The following TTN variants were observed in gnomAD, a reference collection of about 807,000 sequenced individuals.
TTN encodes the protein connectin.
Under a neutral mutation model 3,223.0 loss-of-function variants are expected in TTN, and 1,525 were observed. The ratio of observed to expected loss-of-function variants is 0.47; its 90% CI spans 0.45 to 0.49. The LOEUF is 0.49. Ranked by LOEUF, TTN falls within the 20% of genes least tolerant of loss-of-function variation. The pLI is 0.00. For synonymous variants in TTN, 14,094 were observed against 15,161.0 expected, an observed-to-expected ratio of 0.93 and a Z score of 5.17; for missense variants, 40,786 against 43,424.0, an observed-to-expected ratio of 0.94 and a Z score of 5.40.
At chr2:178,753,025 C>A (rs2085982890) in intron 47 of TTN, 99 bp downstream of exon 47, 1 of 937,664 alleles carries the variant, frequency 1.1e-6, no homozygotes. Context: ...ATATCTATGT[C>A]ATTTTTTTCT....
Position 178,651,513 on chromosome 2 carries a change from C to T in TTN, c.39487G>A (p.Val13163Ile). The change falls in exon 207 of 363, where the codon GTT becomes ATT. Residue 13163 changes from valine to isoleucine, a missense_variant. Coordinates refer to ENST00000589042, the MANE Select transcript of TTN (RefSeq NM_001267550.2). ...ACCAGAGGCACCTTCTTTTCAGGAA[C>T]AACCTCCTTGGGCACCTCGGGCACT... ...VKVPEVPKEV[V>I]PEKKVPLVVP... is the part of the protein sequence containing the mutation. The T allele has an allele frequency of 4.3e-6, 7 of 1,612,980 alleles. No homozygotes were observed. The highest frequency in any genetic ancestry group is 5.9e-6 in the Non-Finnish European group (7 of 1,179,472).
chr2:178,746,136 G>C lies in TTN; in HGVS notation c.11312-4215C>G, dbSNP rs397517820. The C allele has an allele frequency of 6.2e-7, 1 of 1,613,348 alleles. No individual in the cohort carries two copies. Among genetic ancestry groups the C allele is most frequent in the Non-Finnish European group, 8.5e-7 (1 of 1,179,564 alleles). On this transcript the variant is annotated intron_variant, in intron 47 of 362. Coordinates refer to ENST00000589042, the MANE Select transcript of TTN (RefSeq NM_001267550.2). ...CTAATCACGTATTTAATATTATCTG[G>C]CTCAATACACATATATTCTTTATAC...
Position 178,588,969 on chromosome 2 carries a change from A to G in TTN, c.62756T>C (p.Leu20919Ser), listed in dbSNP as rs756059826. ...MVWSTYSATV[L>S]TPGTTVTRLI... ...ACGTGTTACTGTAGTACCAGGTGTC[A>G]AGACAGTAGCAGAATAGGTAGACCA... Residue 20919 changes from leucine (L) to serine (S), a missense_variant, in exon 304 of 363, where the codon TTG becomes TCG. Leu to Ser is a moderately radical substitution (Grantham distance 145). Transcript: ENST00000589042. 6.2e-7 allele frequency: 1 copy of G among 1,612,544 alleles called. No individual in the cohort carries two copies. Among genetic ancestry groups the G allele is most frequent in the Non-Finnish European group, 8.5e-7 (1 of 1,179,386 alleles).
At chr2:178,726,763 G>C (rs1239747771) in intron 69 of TTN, 1 of 200,962 alleles carries the variant, frequency 5.0e-6, no homozygotes, top group African/African-American at 2.3e-5. Flanking sequence ...TGATATATCT[G>C]TAAGTTGATT....
At position 178,604,360 on chromosome 2, in the gene TTN, C is replaced by T. The variant is rs2054246545; in HGVS notation, c.54382-55G>A. 3.0e-6 allele frequency: 4 copies of T among 1,327,738 alleles called. No individual in the cohort carries two copies. The South Asian group carries it at 7.2e-5, about 24-fold the overall frequency. 82.2% of individuals were successfully genotyped at this position (1,327,738 alleles called of 1,614,324 possible). A position where few individuals can be genotyped will look rare whatever the true frequency, so the allele number is the denominator to read the frequency against. Reference sequence around the variant, plus strand: ...AAGAGAATATACTTATGTTGGTTTTCACTCATTTAAAAATTCAACTTATTT... The same window carrying T: ...AAGAGAATATACTTATGTTGGTTTTTACTCATTTAAAAATTCAACTTATTT... On this transcript the variant is annotated intron_variant, in intron 281 of 362. Transcript: ENST00000589042.
Position 178,652,744 on chromosome 2 carries a change from G to T in TTN, c.38960-8C>A. 1.2e-6 allele frequency: 2 copies of T among 1,612,134 alleles called. No homozygotes were observed. The highest frequency in any genetic ancestry group is 1.7e-6 in the Non-Finnish European group (2 of 1,179,168). The stretch of plus-strand genomic sequence containing the variant: ...CTTTGGGAGCCTCTGGTACTTAAAA[G>T]ATATTAGTGAAATTACATTTAGGGG... On this transcript the variant is annotated splice_region_variant and splice_polypyrimidine_tract_variant and intron_variant, in intron 200 of 362. Transcript: ENST00000589042.
chr2:178,558,481 G>A lies in TTN; in HGVS notation c.86978C>T (p.Ala28993Val). The A allele has an allele frequency of 6.2e-7, 1 of 1,613,808 alleles. No homozygotes were observed. The highest frequency in any genetic ancestry group is 8.5e-7 in the Non-Finnish European group (1 of 1,179,820). Residue 28993 changes from alanine (A) to valine (V), a missense_variant, in exon 327 of 363, where the codon GCA becomes GTA. Coordinates refer to ENST00000589042, the MANE Select transcript of TTN (RefSeq NM_001267550.2). The part of the protein sequence containing the change: ...EKGQKNWVKC[A>V]VAKSTHHVVS... ...AACGTGATGGGTTGACTTTGCCACT[G>A]CACATTTAACCCAGTTTTTCTGTCC...
At chr2:178,580,736 T>A in intron 316 of TTN, 127 bp from the exon 317 acceptor site, 1 of 897,340 alleles carries the variant, frequency 1.1e-6, no homozygotes, top group Non-Finnish European at 1.7e-6. Context: ...TAAAACTTCC[T>A]TAATACAATC....
At position 178,732,928 on chromosome 2, in the gene TTN, G is replaced by C; in HGVS notation, c.16248C>G (p.Ile5416Met). Residue 5416 changes from isoleucine to methionine, a missense_variant, in exon 55 of 363, where the codon ATC becomes ATG. Physicochemically the swap from Ile to Met is conservative, Grantham distance 10. Coordinates refer to ENST00000589042, the MANE Select transcript of TTN (RefSeq NM_001267550.2). Reference sequence around the variant, plus strand: ...CTGCATCATTCATGTCTACTCTGATGATCTCCAAAGAGGCTGTGCCTTCCA... The same window carrying C: ...CTGCATCATTCATGTCTACTCTGATCATCTCCAAAGAGGCTGTGCCTTCCA... ...AFVEGTASLE[I>M]IRVDMNDAGN... 1.9e-6 allele frequency: 3 copies of C among 1,613,530 alleles called. No homozygotes were observed. The highest frequency in any genetic ancestry group is 2.5e-6 in the Non-Finnish European group (3 of 1,179,712).
At chr2:178,585,041 TA>T (rs1452427783) in intron 309 of TTN, 30 bp downstream of exon 309, 1 of 1,603,322 alleles carries the variant, frequency 6.2e-7, no homozygotes, top group East Asian at 2.2e-5. Context: ...GCTTCATATT[TA>T]GATGGCCATT....
At chr2:178,707,846 T>C (rs758975245) in intron 99 of TTN, 33 bp from the exon 100 acceptor site, 1 of 1,537,922 alleles carries the variant, frequency 6.5e-7, no homozygotes, top group Non-Finnish European at 8.7e-7. Flanking sequence ...ATGAGGAACA[T>C]AAAGGCAAAA....
rs1406534791 is a variant in TTN, at chr2:178,769,783, C to T, written c.8798G>A (p.Gly2933Glu). 1 of 1,613,788 alleles carries T rather than the reference C, an allele frequency of 6.2e-7. No homozygotes were observed. The highest frequency in any genetic ancestry group is 8.5e-7 in the Non-Finnish European group (1 of 1,179,840). ...CATGATGATCAGCTGATGGAGTTTTCCCTGCACAACTATCTTGAACTTTTC... is the reference window on the plus strand; with the variant it reads ...CATGATGATCAGCTGATGGAGTTTTTCCTGCACAACTATCTTGAACTTTTC... ...MSEKFKIVVQGKLHQLIIMNT... is the reference protein window; with the variant it reads ...MSEKFKIVVQEKLHQLIIMNT... The change falls in exon 37 of 363, where the codon GGA becomes GAA. Residue 2933 changes from glycine (G) to glutamate (E), a missense_variant. Physicochemically the swap from Gly to Glu is moderately conservative, Grantham distance 98. Transcript: ENST00000589042.
chr2:178,719,866 G>A (rs1367614793), intron 81 of TTN, 34 bp from the exon 82 acceptor site: 20 of 1,576,642 alleles, frequency 1.3e-5, no homozygotes, highest in Admixed American at 1.8e-5. Context: ...TGAAAACAAA[G>A]TAACCTTTCA....
chr2:178,771,086 G>T, intron 34 of TTN, 125 bp downstream of exon 34: 1 of 1,454,058 alleles, frequency 6.9e-7, no homozygotes, highest in South Asian at 1.2e-5. Context: ...AGGTTTAGAG[G>T]ATCTAGAATG....
In TTN at chr2:178,558,092, T is replaced by G. The variant is rs1252696671; in HGVS notation, c.87262A>C (p.Thr29088Pro). 1 of 1,613,934 alleles carries G rather than the reference T, an allele frequency of 6.2e-7. No individual in the cohort carries two copies. Among genetic ancestry groups the G allele is most frequent in the Admixed American group, 1.7e-5 (1 of 60,020 alleles). Residue 29088 changes from threonine (T) to proline (P), a missense_variant, in exon 328 of 363, where the codon ACC becomes CCC. Coordinates refer to ENST00000589042, the MANE Select transcript of TTN (RefSeq NM_001267550.2). ...GTAATTTCGGTATTAAATCTCATGG[T>G]TGCCTTAAGGGGGACACCATCTCTT... ...LSRDGVPLKA[T>P]MRFNTEITAE... is the part of the protein sequence containing the mutation.
intron 278 of TTN, among the ~76,000 whole-genome samples, chr2:178,606,060 A>T (rs2054716674): frequency 6.6e-6 from 1 of 152,062 alleles, no homozygotes. Context: ...TTGAATGACC[A>T]GCTGAGAGCA....
At chr2:178,609,083 T>C in intron 273 of TTN, 125 bp downstream of exon 273, 3 of 1,292,850 alleles carry the variant, frequency 2.3e-6, no homozygotes, top group Non-Finnish European at 3.1e-6. Flanking sequence ...GGCCAGCAGA[T>C]AAAATATGAT....
rs1237442776 is a variant in TTN at position 178,653,261 on chromosome 2, T to G, written c.38768A>C (p.Lys12923Thr). The change falls in exon 198 of 363, where the codon AAG becomes ACG. Residue 12923 changes from lysine to threonine, a missense_variant. Transcript: ENST00000589042. The part of the protein sequence containing the change: ...EKKVPLAPPK[K>T]PEVPPVKVPE... ...ACCTTTAACAGGTGGGACTTCAGGC[T>G]TTTTAGGAGGAGCCAAGGGCACTTT... 6.2e-7 allele frequency: 1 copy of G among 1,612,224 alleles called. No individual in the cohort carries two copies. The highest frequency in any genetic ancestry group is 1.3e-5 in the African/African-American group (1 of 74,862).
rs769730997 is a variant in TTN at position 178,802,286 on chromosome 2, G to A, written c.147C>T (p.Ser49=). The A allele has an allele frequency of 1.9e-6, 3 of 1,614,166 alleles. No individual in the cohort carries two copies. In the East Asian group the frequency reaches 6.7e-5, roughly 36 times the overall value. The change falls in exon 3 of 363, where the codon TCC becomes TCT. Residue 49 remains serine, a synonymous_variant. Coordinates refer to ENST00000589042, the MANE Select transcript of TTN (RefSeq NM_001267550.2). ...AGGAGATCTGCACGCCGGGCAGAGT[G>A]GAAGTGGAAATCACCTGGCCATCCC... ...WFRDGQVIST[S]TLPGVQISFS...
Sources: allele counts gnomAD v4.1 joint callset (sites outside exome capture counted in the v4.1 genomes callset), GRCh38; gene constraint gnomAD v4.1.1; transcripts MANE v1.5; gene names NCBI Gene and HGNC (gene_info 2026-07-23, HGNC 2026-07-21).